Variants in PACRG observed in about 807,000 individuals in gnomAD.
PACRG encodes the protein parkin coregulated gene protein.
Under a neutral mutation model 29.7 loss-of-function variants are expected in PACRG, and 29 were observed. The observed-to-expected ratio is 0.98, with a 90% confidence interval of 0.73 to 1.33. PACRG has a LOEUF of 1.33. Ranked by LOEUF, PACRG falls within the 40% of genes most tolerant of loss-of-function variation. The pLI is 0.00. For missense variants in PACRG, 279 were observed against 316.2 expected (o/e 0.88, Z 0.89); for synonymous variants, 116 against 118.7 (o/e 0.98, Z 0.15).
intron 2 of PACRG, among the ~76,000 whole-genome samples, chr6:162,870,526 C>A (rs558312853): frequency 3.9e-5 from 6 of 152,218 alleles, no homozygotes; most frequent in Middle Eastern, 3.4e-3. Context: ...ACCCATCACC[C>A]AAGCAGTACA....
intron 4 of PACRG, among the ~76,000 whole-genome samples, chr6:163,209,704 C>A (rs888106103): frequency 1.6e-4 from 24 of 152,050 alleles, no homozygotes; most frequent in Non-Finnish European, 1.9e-4. Context: ...CTGAACAAGA[C>A]AACATATCCA....
At chr6:162,878,156 A>T (rs903883504) in intron 2 of PACRG, among the ~76,000 whole-genome samples, 1 of 152,196 alleles carries the variant, frequency 6.6e-6, no homozygotes, top group African/African-American at 2.4e-5. Flanking sequence ...AAATGTTTGT[A>T]AGATGCAAGT....
In PACRG at chr6:163,077,410, G is replaced by A. The variant is rs138210018; in HGVS notation, c.464-11849G>A. ...GAGGTCATCCGGCAGTAAAGGGCAG[G>A]CGTGCACAGACACAGCGGAAGAAAC... On this transcript the variant is annotated intron_variant, in intron 3 of 4. Coordinates refer to ENST00000366888, the MANE Select transcript of PACRG (RefSeq NM_001080379.2). Among the ~76,000 whole-genome samples, 605 of 152,252 alleles carry A rather than the reference G, an allele frequency of 4.0e-3. 3 individuals are homozygous for A. Among genetic ancestry groups the A allele is most frequent in the African/African-American group, 0.014 (585 of 41,528 alleles).
intron 3 of PACRG, among the ~76,000 whole-genome samples, chr6:163,080,627 T>C (rs1426350478): frequency 6.6e-6 from 1 of 152,240 alleles, no homozygotes; most frequent in Non-Finnish European, 1.5e-5. Flanking sequence ...GCATGAATTA[T>C]GTATCTACAT....
intron 4 of PACRG, among the ~76,000 whole-genome samples, chr6:163,275,198 T>G (rs1053695873): frequency 2.0e-5 from 3 of 152,156 alleles, no homozygotes; most frequent in African/African-American, 7.2e-5. Flanking sequence ...ATTTGATATA[T>G]CTGCTTAAAA....
Position 163,082,525 on chromosome 6 carries a change from T to A in PACRG, c.464-6734T>A, listed in dbSNP as rs79352070. On this transcript the variant is annotated intron_variant, in intron 3 of 4. Transcript: ENST00000366888. ...GTAATAACAAAAGAAAAATATGCAC[T>A]GTATATTGATAATTTTTTAGAAAGC... Among the ~76,000 whole-genome samples the A allele has an allele frequency of 3.6e-3, 542 of 152,310 alleles. 12 individuals carry two copies. The East Asian group carries it at 0.065, about 18-fold the overall frequency.
chr6:163,090,715 C>T (rs527892182), intron 4 of PACRG, among the ~76,000 whole-genome samples: 12 of 152,062 alleles, frequency 7.9e-5, no homozygotes, highest in African/African-American at 2.4e-4. Flanking sequence ...CAACTAAGGT[C>T]GATAAAAGAA....
At chr6:163,105,007 A>G (rs1815304375) in intron 4 of PACRG, among the ~76,000 whole-genome samples, 1 of 152,152 alleles carries the variant, frequency 6.6e-6, no homozygotes, top group Admixed American at 6.5e-5. Flanking sequence ...TTACTAGTAC[A>G]TTATGGAGAA....
rs896484270 is a variant in PACRG at position 162,939,797 on chromosome 6, G to A, written c.292-122353G>A. Among the ~76,000 whole-genome samples the A allele has an allele frequency of 2.0e-5, 3 of 151,484 alleles. No homozygotes were observed. The East Asian group carries it at 5.8e-4, about 29-fold the overall frequency. ...TGGTGCTGGGCTTTTATTTTACTTC[G>A]ATTTAAGCAATATTTTAAATTCATA... On this transcript the variant is annotated intron_variant, in intron 2 of 4. Transcript: ENST00000366888.
chr6:162,848,742 A>G lies in PACRG; in HGVS notation c.291+34461A>G, dbSNP rs748003277. ...TTAAGGCTTATTTCATGTGAAATCAATTGGATAATAATCACTTACTGAGTG... is the reference window on the plus strand; with the variant it reads ...TTAAGGCTTATTTCATGTGAAATCAGTTGGATAATAATCACTTACTGAGTG... On this transcript the variant is annotated intron_variant, in intron 2 of 4. Coordinates refer to ENST00000366888, the MANE Select transcript of PACRG (RefSeq NM_001080379.2). Among the ~76,000 whole-genome samples, 4 of 152,368 alleles carry G rather than the reference A, an allele frequency of 2.6e-5. No individual in the cohort carries two copies. The South Asian group carries it at 8.3e-4, about 32-fold the overall frequency.
At position 163,062,315 on chromosome 6, in the gene PACRG, A is replaced by G; in HGVS notation, c.457A>G (p.Ile153Val). The G allele has an allele frequency of 6.2e-7, 1 of 1,608,192 alleles. No homozygotes were observed. Among genetic ancestry groups the G allele is most frequent in the Non-Finnish European group, 8.5e-7 (1 of 1,178,146 alleles). Reference sequence around the variant, plus strand: ...TGTCCTTCCACAGCTCATTATCCCGATAAAAAGTAAGTGAACCGGTGAAAA... The same window carrying G: ...TGTCCTTCCACAGCTCATTATCCCGGTAAAAAGTAAGTGAACCGGTGAAAA... ...LPVLPQLIIP[I>V]KNALNLRNRQ... The change falls in exon 3 of 5, where the codon ATA (isoleucine) becomes GTA (valine). Residue 153 changes from isoleucine to valine, a missense_variant. Ile to Val is a conservative substitution (Grantham distance 29). Transcript: ENST00000366888.
intron 4 of PACRG, among the ~76,000 whole-genome samples, chr6:163,214,157 G>T (rs918393211): frequency 2.0e-5 from 3 of 152,150 alleles, no homozygotes; most frequent in African/African-American, 7.2e-5. Context: ...GTCCAGTATA[G>T]TAGCCACCAT....
intron 1 of PACRG, among the ~76,000 whole-genome samples, chr6:162,760,594 A>G (rs1298184131): frequency 6.6e-6 from 1 of 152,122 alleles, no homozygotes; most frequent in Non-Finnish European, 1.5e-5. Context: ...TGATGGTTTG[A>G]TGTGATGGAG....
chr6:163,297,528 C>G (rs560111017), intron 4 of PACRG, among the ~76,000 whole-genome samples: 2 of 152,234 alleles, frequency 1.3e-5, no homozygotes, highest in East Asian at 3.9e-4. Flanking sequence ...CAGCCTTCAG[C>G]TTGGGCTTCC....
Position 163,314,884 on chromosome 6 carries a change from T to G in PACRG, c.671T>G (p.Leu224Trp), listed in dbSNP as rs1562375576. 1 of 1,614,204 alleles carries G rather than the reference T, an allele frequency of 6.2e-7. No homozygotes were observed. Among genetic ancestry groups the G allele is most frequent in the South Asian group, 1.1e-5 (1 of 91,088 alleles). ...CAGAAGAGGGAGAACATTGGGGACT[T>G]GATCCAGGAGACACTGGAGGCCTTC... ...SQQKRENIGD[L>W]IQETLEAFER... is the part of the protein sequence containing the mutation. The change falls in exon 5 of 5, where the codon TTG becomes TGG. Residue 224 changes from leucine to tryptophan, a missense_variant. By Grantham distance (61) the Leu-to-Trp change is moderately conservative. Transcript: ENST00000366888.
chr6:162,782,742 T>G (rs1231861168), intron 1 of PACRG, among the ~76,000 whole-genome samples: 5 of 151,846 alleles, frequency 3.3e-5, no homozygotes, highest in Non-Finnish European at 7.4e-5. Flanking sequence ...CCATATTAAC[T>G]TAATTCAGAG....
chr6:163,089,342 G>T lies in PACRG; in HGVS notation c.547G>T (p.Gly183Cys). The T allele has an allele frequency of 6.2e-7, 1 of 1,614,084 alleles. No individual in the cohort carries two copies. The highest frequency in any genetic ancestry group is 8.5e-7 in the Non-Finnish European group (1 of 1,179,992). Residue 183 changes from glycine to cysteine, a missense_variant, in exon 4 of 5, where the codon GGC (glycine) becomes TGC (cysteine). Coordinates refer to ENST00000366888, the MANE Select transcript of PACRG (RefSeq NM_001080379.2). The stretch of plus-strand genomic sequence containing the variant: ...TCTGGTTGTGTCAGCTGAGATGGTG[G>T]GCAAGGCCTTGGTGCCTTATTACCG... ...QHLVVSAEMV[G>C]KALVPYYRQI...
chr6:163,155,501 T>C (rs1017105817), intron 4 of PACRG, among the ~76,000 whole-genome samples: 1 of 152,250 alleles, frequency 6.6e-6, no homozygotes, highest in Non-Finnish European at 1.5e-5. Flanking sequence ...AGAGGCCCTA[T>C]TGGCTAATGG....
chr6:162,852,953 C>T (rs556167834), intron 2 of PACRG, among the ~76,000 whole-genome samples: 3 of 152,246 alleles, frequency 2.0e-5, no homozygotes, highest in South Asian at 4.2e-4. Flanking sequence ...GCTGCCCAGC[C>T]GTCAAAGCCA....
Sources: gnomAD v4.1 joint callset for allele counts (sites outside exome capture counted in the v4.1 genomes callset) on GRCh38, gnomAD v4.1.1 for gene constraint, MANE v1.5 for transcripts, NCBI Gene and HGNC (gene_info 2026-07-23, HGNC 2026-07-21) for gene names.